ZNF704: variants seen among roughly 807,000 people sequenced by gnomAD.
ZNF704 encodes glucocorticoid induced gene 1.
Under a neutral mutation model 44.7 loss-of-function variants are expected in ZNF704, and 10 were observed. That is an observed-to-expected ratio of 0.22 (90% CI 0.14 to 0.38). The LOEUF is 0.38. ZNF704 is among the 10% of genes least tolerant of loss of function. The pLI is 1.00. For missense variants in ZNF704, 390 were observed against 545.5 expected, an observed-to-expected ratio of 0.71 and a Z score of 2.84; for synonymous variants, 211 against 207.6, an observed-to-expected ratio of 1.02 and a Z score of -0.14.
At chr8:80,657,516 A>AC (rs889633729) in intron 7 of ZNF704, among the ~76,000 whole-genome samples, 12 of 151,848 alleles carry the variant, frequency 7.9e-5, no homozygotes, top group African/African-American at 2.9e-4. Flanking sequence ...AACATGGGAA[A>AC]CCCCCGTATC....
intron 7 of ZNF704, among the ~76,000 whole-genome samples, chr8:80,653,031 C>G (rs200350889): frequency 1.3e-5 from 2 of 151,666 alleles, no homozygotes; most frequent in African/African-American, 4.8e-5. Context: ...AATCAATAAA[C>G]GTAATCCAGC....
chr8:80,803,255 T>C (rs778886088), intron 2 of ZNF704, among the ~76,000 whole-genome samples: 3 of 152,198 alleles, frequency 2.0e-5, no homozygotes, highest in African/African-American at 7.2e-5. Context: ...AAAATGGTCA[T>C]ACTGCCCAGA....
intron 2 of ZNF704, among the ~76,000 whole-genome samples, chr8:80,821,036 A>T (rs1012240615): frequency 6.6e-6 from 1 of 152,380 alleles, no homozygotes; most frequent in African/African-American, 2.4e-5. Flanking sequence ...ACTTGCTTTG[A>T]AGTGGCTACA....
intron 7 of ZNF704, among the ~76,000 whole-genome samples, chr8:80,652,336 AT>A (rs1248917738): frequency 6.6e-6 from 1 of 151,612 alleles, no homozygotes; most frequent in East Asian, 1.9e-4. Context: ...ACTGAAAGAA[AT>A]AGAGACACAA....
intron 5 of ZNF704, among the ~76,000 whole-genome samples, chr8:80,667,005 A>G (rs926410667): frequency 3.9e-5 from 6 of 152,120 alleles, no homozygotes; most frequent in African/African-American, 1.4e-4. Flanking sequence ...TTTTAAAGAG[A>G]GTGGCCAGAG....
chr8:80,728,019 G>C (rs1455579962), intron 2 of ZNF704, among the ~76,000 whole-genome samples: 2 of 152,072 alleles, frequency 1.3e-5, no homozygotes, highest in Non-Finnish European at 2.9e-5. Flanking sequence ...GTTACAGTCT[G>C]TGTGATTCTT....
chr8:80,767,256 TAATA>T (rs1345682648), intron 2 of ZNF704, among the ~76,000 whole-genome samples: 1 of 152,162 alleles, frequency 6.6e-6, no homozygotes, highest in African/African-American at 2.4e-5. Flanking sequence ...CTTGGTTAAT[TAATA>T]AATATCTTAT....
At chr8:80,829,619 A>T (rs542038838) in intron 1 of ZNF704, among the ~76,000 whole-genome samples, 1 of 152,210 alleles carries the variant, frequency 6.6e-6, no homozygotes, top group Non-Finnish European at 1.5e-5. Context: ...AGGAAAAAAA[A>T]ACCTGAAGCA....
chr8:80,745,160 A>G (rs1806824056), intron 2 of ZNF704, among the ~76,000 whole-genome samples: 1 of 152,184 alleles, frequency 6.6e-6, no homozygotes, highest in African/African-American at 2.4e-5. Flanking sequence ...TATAGGTATC[A>G]GTGTCTCAAT....
At chr8:80,812,262 G>A in intron 2 of ZNF704, 1 of 160,066 alleles carries the variant, frequency 6.2e-6, no homozygotes, top group South Asian at 1.9e-4. Flanking sequence ...TTGAAATGCA[G>A]CAATATTCTT....
chr8:80,782,836 G>T (rs923626991), intron 2 of ZNF704, among the ~76,000 whole-genome samples: 2 of 151,904 alleles, frequency 1.3e-5, no homozygotes, highest in African/African-American at 4.8e-5. Context: ...TCCTCCTGTC[G>T]TCCCTCTATG....
intron 2 of ZNF704, among the ~76,000 whole-genome samples, chr8:80,735,796 T>C (rs1806655958): frequency 6.6e-6 from 1 of 152,232 alleles, no homozygotes; most frequent in East Asian, 1.9e-4. Flanking sequence ...ATGTTTTCAA[T>C]GTAAAATATG....
intron 2 of ZNF704, among the ~76,000 whole-genome samples, chr8:80,759,701 T>C (rs1000283937): frequency 3.0e-4 from 45 of 152,186 alleles, no homozygotes; most frequent in Non-Finnish European, 8.8e-5. Context: ...ATAAGTGAGC[T>C]TGGGAGAGGA....
chr8:80,670,456 A>C, intron 5 of ZNF704, 47 bp downstream of exon 5: 1 of 1,423,574 alleles, frequency 7.0e-7, no homozygotes, highest in Non-Finnish European at 9.9e-7. Context: ...GGGTGGCCCT[A>C]GACTGAGCAG....
At chr8:80,742,504 T>C (rs1806777318) in intron 2 of ZNF704, among the ~76,000 whole-genome samples, 1 of 152,226 alleles carries the variant, frequency 6.6e-6, no homozygotes, top group Non-Finnish European at 1.5e-5. Flanking sequence ...ATCAAGCAGA[T>C]AGTCAAGGCC....
chr8:80,825,424 A>G (rs527749988), intron 1 of ZNF704, among the ~76,000 whole-genome samples: 8 of 152,354 alleles, frequency 5.3e-5, no homozygotes, highest in African/African-American at 1.9e-4. Flanking sequence ...AGATTCATAA[A>G]GCAAGTCCTT....
At chr8:80,653,917 T>A (rs566919655) in intron 7 of ZNF704, among the ~76,000 whole-genome samples, 1 of 152,150 alleles carries the variant, frequency 6.6e-6, no homozygotes, top group African/African-American at 2.4e-5. Flanking sequence ...GCTGGAGGCA[T>A]CACGCTACCT....
At chr8:80,816,508 T>A (rs1808179233) in intron 2 of ZNF704, among the ~76,000 whole-genome samples, 1 of 152,210 alleles carries the variant, frequency 6.6e-6, no homozygotes, top group Non-Finnish European at 1.5e-5. Flanking sequence ...TCTTTTCCTG[T>A]CCTTAAACTC....
intron 1 of ZNF704, among the ~76,000 whole-genome samples, chr8:80,843,971 G>GTGTA (rs1808724570): frequency 7.0e-6 from 1 of 143,282 alleles, no homozygotes; most frequent in African/African-American, 2.5e-5. Flanking sequence ...ATATATATGT[G>GTGTA]TATATATATA....
Sources: allele counts gnomAD v4.1 joint callset (sites outside exome capture counted in the v4.1 genomes callset), GRCh38; gene constraint gnomAD v4.1.1; transcripts MANE v1.5; gene names NCBI Gene and HGNC (gene_info 2026-07-23, HGNC 2026-07-21).